Variants in EVA1C observed in about 807,000 individuals in gnomAD.
The protein encoded by EVA1C is eva-1 homolog C, also known as protein eva-1 homolog C.
EVA1C carries 25 observed loss-of-function variants against 45.4 expected under a neutral mutation model. The observed-to-expected ratio is 0.55, with a 90% CI of 0.40 to 0.77. The LOEUF is 0.77. EVA1C is among the 30% of genes least tolerant of loss of function. The probability of loss-of-function intolerance (pLI) is 0.00; values close to 1 mark genes in which losing one functional copy is unlikely to be tolerated. For missense variants in EVA1C, 479 were observed against 554.8 expected, an observed-to-expected ratio of 0.86 and a Z score of 1.37; for synonymous variants, 190 against 221.2, an observed-to-expected ratio of 0.86 and a Z score of 1.25.
chr21:32,449,337 A>C (rs2035490477), intron 1 of EVA1C, among the ~76,000 whole-genome samples: 1 of 152,236 alleles, frequency 6.6e-6, no homozygotes, highest in Non-Finnish European at 1.5e-5. Flanking sequence ...GGGTAGTTGC[A>C]ATGCCCAAAA....
At chr21:32,459,746 C>A (rs2146274405) in intron 3 of EVA1C, among the ~76,000 whole-genome samples, 1 of 148,360 alleles carries the variant, frequency 6.7e-6, no homozygotes, top group South Asian at 2.1e-4. Context: ...GAGGCTGAGG[C>A]AGGAGAATCG....
intron 7 of EVA1C, among the ~76,000 whole-genome samples, chr21:32,506,489 C>G (rs1038124323): frequency 2.0e-5 from 3 of 151,784 alleles, no homozygotes; most frequent in Non-Finnish European, 4.4e-5. Context: ...CATATAATGT[C>G]CAAGAGAAAG....
In EVA1C at chr21:32,509,733, A is replaced by G. The variant is rs2037884679; in HGVS notation, c.950-5081A>G. On this transcript the variant is annotated intron_variant, in intron 7 of 7. Coordinates refer to ENST00000300255, the MANE Select transcript of EVA1C (RefSeq NM_058187.5). ...TTGGGCTGTGAAGAAAACATTCAAG[A>G]TACTCTGAGACTAAATGACAGGGGA... Among the ~76,000 whole-genome samples, 6 of 151,394 alleles carry G rather than the reference A, an allele frequency of 4.0e-5. No homozygotes were observed. The Admixed American group carries it at 4.0e-4, about 10-fold the overall frequency.
intron 1 of EVA1C, among the ~76,000 whole-genome samples, chr21:32,433,884 T>C (rs373107677): frequency 7.5e-5 from 3 of 40,038 alleles, no homozygotes; most frequent in South Asian, 9.0e-4. Flanking sequence ...ATTGGCCAGG[T>C]GCAGTGGCTC....
intron 1 of EVA1C, among the ~76,000 whole-genome samples, chr21:32,442,558 A>G (rs1290908509): frequency 6.6e-6 from 1 of 152,052 alleles, no homozygotes; most frequent in Non-Finnish European, 1.5e-5. Flanking sequence ...TTTTCTGGAA[A>G]AAGACTTCAA....
intron 7 of EVA1C, among the ~76,000 whole-genome samples, chr21:32,507,694 A>G (rs988125371): frequency 4.8e-5 from 7 of 147,112 alleles, no homozygotes; most frequent in Non-Finnish European, 7.5e-5. Flanking sequence ...GCATGTGTGC[A>G]TGCGTATGTG....
chr21:32,513,755 G>T (rs1202238391), intron 7 of EVA1C, among the ~76,000 whole-genome samples: 2 of 151,304 alleles, frequency 1.3e-5, no homozygotes, highest in Non-Finnish European at 2.9e-5. Flanking sequence ...TGCCCAAGCT[G>T]GTCTTGAACC....
chr21:32,411,764 C>A (rs1177623064), upstream of EVA1C, among the ~76,000 whole-genome samples: 2 of 152,238 alleles, frequency 1.3e-5, no homozygotes, highest in Non-Finnish European at 2.9e-5. Context: ...CTTCCGCCGG[C>A]CCCGCGCGAT....
intron 3 of EVA1C, among the ~76,000 whole-genome samples, chr21:32,462,400 A>C (rs1325860652): frequency 1.3e-5 from 2 of 152,234 alleles, no homozygotes; most frequent in African/African-American, 4.8e-5. Flanking sequence ...TTACTAAATA[A>C]AGAAATAATA....
At chr21:32,472,560 C>T (rs562269198) in intron 4 of EVA1C, among the ~76,000 whole-genome samples, 4 of 152,122 alleles carry the variant, frequency 2.6e-5, no homozygotes, top group Admixed American at 2.6e-4. Context: ...CCCTTGAGGC[C>T]TGGAGTTTGA....
At chr21:32,413,952 C>T (rs1568850131) in intron 1 of EVA1C, among the ~76,000 whole-genome samples, 1 of 152,204 alleles carries the variant, frequency 6.6e-6, no homozygotes, top group Non-Finnish European at 1.5e-5. Context: ...CAGTCGGTCC[C>T]TATCGGGTCC....
intron 4 of EVA1C, among the ~76,000 whole-genome samples, chr21:32,473,359 C>G (rs1050642370): frequency 1.3e-5 from 2 of 152,232 alleles, no homozygotes; most frequent in Non-Finnish European, 2.9e-5. Context: ...ATTGTCGGGC[C>G]ACTGTAGCTG....
At chr21:32,484,312 G>A (rs1263532918) in intron 4 of EVA1C, among the ~76,000 whole-genome samples, 1 of 152,204 alleles carries the variant, frequency 6.6e-6, no homozygotes, top group Non-Finnish European at 1.5e-5. Flanking sequence ...GGAGGCCGAG[G>A]TGGGTGGATC....
chr21:32,494,760 C>T (rs932658595), intron 4 of EVA1C, among the ~76,000 whole-genome samples: 20 of 144,524 alleles, frequency 1.4e-4, no homozygotes, highest in African/African-American at 3.7e-4. Context: ...CCAGCCTGGG[C>T]GACAGAACAA....
intron 1 of EVA1C, among the ~76,000 whole-genome samples, chr21:32,435,894 G>A (rs1243467217): frequency 6.6e-6 from 1 of 152,234 alleles, no homozygotes; most frequent in African/African-American, 2.4e-5. Context: ...GGATTATACT[G>A]TTCCTCTTTA....
At chr21:32,429,545 G>C (rs560471526) in intron 1 of EVA1C, among the ~76,000 whole-genome samples, 2 of 150,864 alleles carry the variant, frequency 1.3e-5, no homozygotes, top group African/African-American at 4.9e-5. Flanking sequence ...GTAGAGACAG[G>C]GTTTCACCAT....
intron 1 of EVA1C, among the ~76,000 whole-genome samples, chr21:32,446,958 T>C (rs2010586): frequency 0.51 from 77,820 of 151,550 alleles, 20,701 homozygotes; most frequent in African/African-American, 0.64. Flanking sequence ...TGGTCCTCAT[T>C]AGGAACTCTG....
At chr21:32,502,000 CTT>C (rs1337136647) in intron 6 of EVA1C, among the ~76,000 whole-genome samples, 2 of 56,638 alleles carry the variant, frequency 3.5e-5, no homozygotes, top group Non-Finnish European at 7.5e-5. Flanking sequence ...TTCTTTCTTT[CTT>C]TCTTTCTTTC....
chr21:32,413,095 T>C, intron 1 of EVA1C, 82 bp downstream of exon 1: 1 of 1,182,250 alleles, frequency 8.5e-7, no homozygotes, highest in Non-Finnish European at 1.1e-6. Context: ...GCCGCACCAG[T>C]GGACACGGCG....
Sources: allele counts gnomAD v4.1 joint callset (sites outside exome capture counted in the v4.1 genomes callset), GRCh38; gene constraint gnomAD v4.1.1; transcripts MANE v1.5; gene names NCBI Gene and HGNC (gene_info 2026-07-23, HGNC 2026-07-21).